The following SLC2A14 variants were observed in gnomAD, a reference collection of about 807,000 sequenced individuals.
SLC2A14 encodes the protein solute carrier family 2, facilitated glucose transporter member 14.
A neutral mutation model predicts 43.0 loss-of-function variants in SLC2A14; 13 were observed. The observed-to-expected ratio is 0.30, with a 90% confidence interval of 0.20 to 0.48. The LOEUF is 0.48. Among genes scored for constraint, SLC2A14 ranks in the 20% least tolerant of loss-of-function variants. The pLI is 0.99. For missense variants in SLC2A14, 428 were observed against 620.4 expected, an observed-to-expected ratio of 0.69 and a Z score of 3.29; for synonymous variants, 190 against 233.8, an observed-to-expected ratio of 0.81 and a Z score of 1.71.
Position 7,850,403 on chromosome 12 carries a change from A to T in SLC2A14, c.19-17589T>A, listed in dbSNP as rs926312331. On this transcript the variant is annotated intron_variant, in intron 2 of 10. Transcript: ENST00000431042. Reference sequence around the variant, plus strand: ...GGAATGAACTAATTTATTTATTATTATTATTTTTTTGAGACGGAGTCTCGC... The same window carrying T: ...GGAATGAACTAATTTATTTATTATTTTTATTTTTTTGAGACGGAGTCTCGC... Among the ~76,000 whole-genome samples the T allele has an allele frequency of 6.7e-4, 101 of 151,256 alleles. 1 individual carries two copies. Among genetic ancestry groups the T allele is most frequent in the Middle Eastern group, 6.8e-3 (2 of 294 alleles).
intron 2 of SLC2A14, among the ~76,000 whole-genome samples, chr12:7,861,987 C>T (rs1944589810): frequency 7.1e-6 from 1 of 141,030 alleles, no homozygotes; most frequent in Non-Finnish European, 1.5e-5. Flanking sequence ...AAAACAAAGG[C>T]CAGTGTGGTG....
intron 2 of SLC2A14, chr12:7,863,340 C>T (rs755419126): frequency 3.3e-5 from 15 of 452,240 alleles, no homozygotes; most frequent in Non-Finnish European, 4.4e-5. Context: ...GGACTCCAGA[C>T]GCACCACTTT....
intron 2 of SLC2A14, among the ~76,000 whole-genome samples, chr12:7,853,669 C>T (rs1436468573): frequency 2.6e-5 from 4 of 151,876 alleles, no homozygotes; most frequent in South Asian, 2.1e-4. Flanking sequence ...ATGGCAAATC[C>T]GAGGGATGAC....
chr12:7,855,850 T>C (rs1867322863), intron 2 of SLC2A14, among the ~76,000 whole-genome samples: 1 of 151,550 alleles, frequency 6.6e-6, no homozygotes, highest in South Asian at 2.1e-4. Context: ...TTAGCCAGGA[T>C]GGTCTTGATC....
intron 2 of SLC2A14, among the ~76,000 whole-genome samples, chr12:7,864,345 G>A (rs999921900): frequency 6.6e-6 from 1 of 151,538 alleles, no homozygotes; most frequent in Non-Finnish European, 1.5e-5. Context: ...TGTTGTTGTT[G>A]TTATTGTTGT....
rs553059866 is a variant in SLC2A14, at chr12:7,814,093, C to T, written c.*223G>A. On this transcript the variant is annotated 3_prime_UTR_variant, in exon 11 of 11. Transcript: ENST00000431042. ...CTCCTGAAATGAAGGTAGGTTCACT[C>T]GGTCTCTCCTAAGCAGAAGAGGATG... The T allele has an allele frequency of 1.1e-4, 68 of 636,574 alleles. No homozygotes were observed. Among genetic ancestry groups the T allele is most frequent in the South Asian group, 5.7e-4 (24 of 42,022 alleles). The allele number at this position is 636,574 out of a possible 1,614,324, so 39.4% of individuals were successfully genotyped here. A position where few individuals can be genotyped will look rare whatever the true frequency, so the allele number is the denominator to read the frequency against.
At chr12:7,871,834 C>A in intron 1 of SLC2A14, 1 of 900,258 alleles carries the variant, frequency 1.1e-6, no homozygotes. Flanking sequence ...ACACTAGACT[C>A]CTCCCCTACA....
At chr12:7,863,499 T>A in intron 2 of SLC2A14, 1 of 434,606 alleles carries the variant, frequency 2.3e-6, no homozygotes, top group South Asian at 1.7e-5. Context: ...TGCTGGTGCA[T>A]GCCTGTAGTC....
chr12:7,859,601 A>T (rs534561535), intron 2 of SLC2A14, among the ~76,000 whole-genome samples: 4 of 152,146 alleles, frequency 2.6e-5, no homozygotes, highest in Non-Finnish European at 5.9e-5. Context: ...GTCTCCATAC[A>T]TCATGGAATA....
rs182199412 is a variant in SLC2A14, at chr12:7,859,140, G to A, written c.18+10723C>T. ...GTGATGGCTGGTGCCTGTAATCCCA[G>A]CACTTTGAAAGGCTGAGGAGGGCGG... is the stretch of plus-strand genomic sequence containing the variant. On this transcript the variant is annotated intron_variant, in intron 2 of 10. Coordinates refer to ENST00000431042, the MANE Select transcript of SLC2A14 (RefSeq NM_001286234.2). Among the ~76,000 whole-genome samples, 225 of 152,250 alleles carry A rather than the reference G, an allele frequency of 1.5e-3. 1 individual carries two copies. The highest frequency in any genetic ancestry group is 4.7e-3 in the African/African-American group (194 of 41,552).
At chr12:7,824,610 G>A (rs992856714) in intron 7 of SLC2A14, among the ~76,000 whole-genome samples, 33 of 150,884 alleles carry the variant, frequency 2.2e-4, no homozygotes, top group African/African-American at 7.5e-4. Flanking sequence ...GTGCACGCCT[G>A]TAATCCCAGC....
At chr12:7,816,926 C>T (rs768429073) in intron 10 of SLC2A14, among the ~76,000 whole-genome samples, 27 of 152,040 alleles carry the variant, frequency 1.8e-4, no homozygotes, top group African/African-American at 6.3e-4. Context: ...AGGCTAATCT[C>T]GAACTCTTGA....
At chr12:7,830,063 T>G in intron 4 of SLC2A14, 57 bp from the exon 5 acceptor site, 1 of 1,606,510 alleles carries the variant, frequency 6.2e-7, no homozygotes, top group Non-Finnish European at 8.5e-7. Flanking sequence ...TCCTAACTTC[T>G]CCTCTTCTGT....
rs556965791 is a variant in SLC2A14, at chr12:7,857,468, A to T, written c.18+12395T>A. Among the ~76,000 whole-genome samples, 66 of 151,364 alleles carry T rather than the reference A, an allele frequency of 4.4e-4. 2 individuals are homozygous for T. Among genetic ancestry groups the T allele is most frequent in the Middle Eastern group, 7.0e-3 (2 of 284 alleles). On this transcript the variant is annotated intron_variant, in intron 2 of 10. Transcript: ENST00000431042. ...CCGAGCGCAGTGGTGCACACCTGTA[A>T]TCCCAGCTACCTGGGAGGCTGAGGT...
At chr12:7,866,226 A>G (rs1330138699) in intron 2 of SLC2A14, among the ~76,000 whole-genome samples, 4 of 146,410 alleles carry the variant, frequency 2.7e-5, no homozygotes, top group Non-Finnish European at 6.1e-5. Flanking sequence ...CTCTGTCTCA[A>G]AAAAAAAAAA....
At chr12:7,844,778 C>T in intron 2 of SLC2A14, among the ~76,000 whole-genome samples, 1 of 152,034 alleles carries the variant, frequency 6.6e-6, no homozygotes, top group African/African-American at 2.4e-5. Context: ...TCAGCTGATC[C>T]ACCCGCCTTG....
At chr12:7,827,468 C>T (rs376695272) in intron 7 of SLC2A14, 27 bp downstream of exon 7, 20 of 1,607,584 alleles carry the variant, frequency 1.2e-5, no homozygotes, top group Middle Eastern at 3.3e-4. Context: ...TTGTAAGACA[C>T]GTTTGACCCT....
At chr12:7,890,832 G>A (rs1945763563) in intron 1 of SLC2A14, 2 of 627,838 alleles carry the variant, frequency 3.2e-6, no homozygotes, top group Admixed American at 7.1e-5. Flanking sequence ...TTGGACAGCT[G>A]CGGGCAAGCT....
At chr12:7,871,811 C>G (rs1945250484) in intron 1 of SLC2A14, 1 of 714,804 alleles carries the variant, frequency 1.4e-6, no homozygotes, top group South Asian at 6.3e-5. Context: ...AAAGTCCCCT[C>G]TCAGAGGACA....
Sources: gnomAD v4.1 joint callset for allele counts (sites outside exome capture counted in the v4.1 genomes callset) on GRCh38, gnomAD v4.1.1 for gene constraint, MANE v1.5 for transcripts, NCBI Gene and HGNC (gene_info 2026-07-23, HGNC 2026-07-21) for gene names.